Variants in CAPS2 observed in about 807,000 individuals in gnomAD.
CAPS2 encodes calcyphosine 2.
A neutral mutation model predicts 86.5 loss-of-function variants in CAPS2; 98 were observed. The ratio of observed to expected loss-of-function variants is 1.13; its 90% CI spans 0.96 to 1.34. The LOEUF (loss-of-function observed/expected upper bound fraction) is 1.34. CAPS2 is among the 40% of genes most tolerant of loss of function. The pLI is 0.00. For synonymous variants in CAPS2, 210 were observed against 225.1 expected (o/e 0.93, Z 0.60); for missense variants, 729 against 686.8 (o/e 1.06, Z -0.69).
exon 8 of CAPS2, chr12:75,304,787 C>T (rs931975521): frequency 5.0e-6 from 8 of 1,601,796 alleles, no homozygotes; most frequent in East Asian, 2.3e-5. Flanking sequence ...TTTTCTAAAT[C>T]GAAGAGGTGT....
At chr12:75,328,153 G>T (rs950835094), upstream of CAPS2, among the ~76,000 whole-genome samples, 1 of 152,130 alleles carries the variant, frequency 6.6e-6, no homozygotes, top group Non-Finnish European at 1.5e-5. Flanking sequence ...ACTTTTAAAA[G>T]TTGCTGTTGT....
intron 13 of CAPS2, 138 bp downstream of exon 13, chr12:75,291,606 T>C (rs2035974668): frequency 1.5e-5 from 1 of 66,270 alleles, no homozygotes; most frequent in South Asian, 5.8e-4. Context: ...TATATATATA[T>C]ATATATTCTT....
chr12:75,277,549 G>A, exon 17 of CAPS2: 3 of 940,576 alleles, frequency 3.2e-6, no homozygotes, highest in Non-Finnish European at 3.8e-6. Flanking sequence ...AATTTAGCCA[G>A]TGAAAATAGC....
chr12:75,367,099 G>C, intron 1 of CAPS2: 2 of 692,072 alleles, frequency 2.9e-6, no homozygotes, highest in Non-Finnish European at 5.3e-6. Context: ...AATTTGGGGA[G>C]AAAACGTAAT....
At chr12:75,329,716 G>T, upstream of CAPS2, 1 of 766,856 alleles carries the variant, frequency 1.3e-6, no homozygotes, top group South Asian at 2.7e-5. Flanking sequence ...GACGACTACA[G>T]ACCCAGATAT....
At chr12:75,287,476 T>C (rs2035094914) in intron 14 of CAPS2, among the ~76,000 whole-genome samples, 1 of 152,104 alleles carries the variant, frequency 6.6e-6, no homozygotes, top group African/African-American at 2.4e-5. Flanking sequence ...GGTTTCCTCC[T>C]TCAGTCTATC....
intron 2 of CAPS2, among the ~76,000 whole-genome samples, chr12:75,324,355 AATTG>A (rs1359875080): frequency 6.6e-6 from 1 of 152,170 alleles, no homozygotes; most frequent in Non-Finnish European, 1.5e-5. Flanking sequence ...AATATTTGTA[AATTG>A]ATTGCTACAC....
rs113407239 is a variant in CAPS2 at position 75,369,737 on chromosome 12, T to A, written c.-395+21101A>T. 6.1e-6 allele frequency: 6 copies of A among 985,174 alleles called. No individual in the cohort carries two copies. The African/African-American group carries it at 7.0e-5, about 11-fold the overall frequency. 61.0% of individuals were successfully genotyped at this position (985,174 alleles called of 1,614,324 possible). A position where few individuals can be genotyped will look rare whatever the true frequency, so the allele number is the denominator to read the frequency against. ...GTTTTGACTTTTGTGCCTTCAACAC[T>A]CAGAGGTGTTTTAGAAATATTTGTT... is the stretch of plus-strand genomic sequence containing the variant. On this transcript the variant is annotated intron_variant, in intron 1 of 5. Transcript: ENST00000551829.
At chr12:75,278,943 T>C in exon 17 of CAPS2, 1 of 1,608,450 alleles carries the variant, frequency 6.2e-7, no homozygotes, top group Non-Finnish European at 8.5e-7. Context: ...TCATCTACTA[T>C]TCCTATACTT....
chr12:75,277,143 G>C, downstream of CAPS2: 2 of 981,596 alleles, frequency 2.0e-6, no homozygotes, highest in South Asian at 9.4e-5. Flanking sequence ...GCTTATGTTA[G>C]GAAGATTAAG....
At chr12:75,310,427 G>A (rs1265985381) in intron 7 of CAPS2, among the ~76,000 whole-genome samples, 2 of 152,140 alleles carry the variant, frequency 1.3e-5, no homozygotes, top group African/African-American at 2.4e-5. Flanking sequence ...ATTCCAAGAA[G>A]AGGGGAAAAT....
chr12:75,369,971 C>T (rs1190497214), intron 1 of CAPS2: 1 of 1,065,358 alleles, frequency 9.4e-7, no homozygotes, highest in Non-Finnish European at 1.3e-6. Context: ...GACTCCACAA[C>T]TTATTATACC....
At chr12:75,285,768 A>C (rs965994797) in intron 14 of CAPS2, among the ~76,000 whole-genome samples, 1 of 151,930 alleles carries the variant, frequency 6.6e-6, no homozygotes, top group African/African-American at 2.4e-5. Context: ...AAATACTTTT[A>C]ATGTATTATA....
At chr12:75,382,657 G>T (rs1049938161) in intron 1 of CAPS2, among the ~76,000 whole-genome samples, 5 of 151,546 alleles carry the variant, frequency 3.3e-5, no homozygotes, top group East Asian at 1.9e-4. Context: ...AAAAGAAGAA[G>T]AATTTTAAAA....
chr12:75,293,288 C>T (rs373505414), exon 12 of CAPS2: 88 of 1,611,098 alleles, frequency 5.5e-5, no homozygotes, highest in East Asian at 2.5e-4. Flanking sequence ...ATTTGTGATT[C>T]GGAGTTTAAG....
upstream of CAPS2, among the ~76,000 whole-genome samples, chr12:75,329,241 C>T (rs998964938): frequency 6.6e-6 from 1 of 152,188 alleles, no homozygotes; most frequent in African/African-American, 2.4e-5. Flanking sequence ...CAGCAAACAA[C>T]TGGCTGTGAG....
intron 5 of CAPS2, 102 bp from the exon 6 acceptor site, chr12:75,316,536 T>C: frequency 9.4e-7 from 1 of 1,067,104 alleles, no homozygotes; most frequent in Non-Finnish European, 1.3e-6. Context: ...CAGTGACTAT[T>C]TGTACAACAG....
chr12:75,299,495 A>G (rs1454862200), intron 9 of CAPS2, among the ~76,000 whole-genome samples: 1 of 152,162 alleles, frequency 6.6e-6, no homozygotes, highest in African/African-American at 2.4e-5. Context: ...CTGTTAAATC[A>G]TTAAGATAAA....
chr12:75,356,448 T>C (rs1230489352), intron 1 of CAPS2, among the ~76,000 whole-genome samples: 2 of 152,220 alleles, frequency 1.3e-5, no homozygotes, highest in Non-Finnish European at 2.9e-5. Context: ...GAAGTTCTTC[T>C]AATCCATGTG....
Sources: gnomAD v4.1 joint callset for allele counts (sites outside exome capture counted in the v4.1 genomes callset) on GRCh38, gnomAD v4.1.1 for gene constraint, MANE v1.5 for transcripts, NCBI Gene and HGNC (gene_info 2026-07-23, HGNC 2026-07-21) for gene names.